The following NRG3 variants were observed in gnomAD, a reference collection of about 807,000 sequenced individuals.
The protein encoded by NRG3 is neuregulin 3.
Under a neutral mutation model 66.9 loss-of-function variants are expected in NRG3, and 31 were observed. The ratio of observed to expected loss-of-function variants is 0.46; its 90% CI spans 0.35 to 0.63. The LOEUF is 0.63. Ranked by LOEUF, NRG3 falls within the 20% of genes least tolerant of loss-of-function variation. The pLI is 0.00. For synonymous variants in NRG3, 393 were observed against 359.4 expected (o/e 1.09, Z -1.06); for missense variants, 910 against 878.9 (o/e 1.04, Z -0.45).
intron 1 of NRG3, among the ~76,000 whole-genome samples, chr10:82,038,317 G>T (rs1461278882): frequency 6.6e-6 from 1 of 152,190 alleles, no homozygotes; most frequent in African/African-American, 2.4e-5. Context: ...CATGTTAATA[G>T]TACCAACTGT....
At chr10:82,711,142 T>A (rs2056641104) in intron 2 of NRG3, among the ~76,000 whole-genome samples, 2 of 152,186 alleles carry the variant, frequency 1.3e-5, no homozygotes, top group African/African-American at 4.8e-5. Context: ...GTGGTCACCT[T>A]ATCATAGCTC....
rs1250690152 is a variant in NRG3 at position 82,350,340 on chromosome 10, C to T, written c.824-8399C>T. ...ATTCACAGAAAGCGTGCATTAAGCA[C>T]TTATTGTGTGTCAGGCTTTGTAATA... is the stretch of plus-strand genomic sequence containing the variant. On this transcript the variant is annotated intron_variant, in intron 1 of 8. Coordinates refer to ENST00000372141, the MANE Select transcript of NRG3 (RefSeq NM_001010848.4). 3.3e-5 allele frequency among the ~76,000 whole-genome samples: 5 copies of T among 152,314 alleles called. No individual in the cohort carries two copies. The South Asian group carries it at 8.3e-4, about 25-fold the overall frequency.
At chr10:82,057,186 A>G (rs925076540) in intron 1 of NRG3, among the ~76,000 whole-genome samples, 2 of 151,968 alleles carry the variant, frequency 1.3e-5, no homozygotes, top group African/African-American at 4.8e-5. Context: ...TATTTTTTCA[A>G]TGTACTAATT....
chr10:82,012,528 T>A (rs1426050431), intron 1 of NRG3, among the ~76,000 whole-genome samples: 1 of 152,234 alleles, frequency 6.6e-6, no homozygotes, highest in Non-Finnish European at 1.5e-5. Context: ...TTTTCTTTTC[T>A]ATCACATTGT....
chr10:81,977,904 T>A (rs370928883), intron 1 of NRG3, among the ~76,000 whole-genome samples: 43 of 152,314 alleles, frequency 2.8e-4, no homozygotes, highest in Non-Finnish European at 5.7e-4. Flanking sequence ...ATTTTTTATT[T>A]ATACCTAATA....
intron 1 of NRG3, among the ~76,000 whole-genome samples, chr10:82,261,283 C>T (rs911935659): frequency 6.6e-6 from 1 of 152,182 alleles, no homozygotes; most frequent in African/African-American, 2.4e-5. Context: ...CTCATTCACT[C>T]TCCTGTCTCC....
At chr10:82,269,772 A>G (rs1400750815) in intron 1 of NRG3, among the ~76,000 whole-genome samples, 1 of 152,160 alleles carries the variant, frequency 6.6e-6, no homozygotes, top group Non-Finnish European at 1.5e-5. Context: ...TTTCTGCTTC[A>G]GAAGGTCTGG....
intron 1 of NRG3, among the ~76,000 whole-genome samples, chr10:81,899,805 C>T (rs73319121): frequency 0.019 from 2,831 of 152,174 alleles, 76 homozygotes; most frequent in African/African-American, 0.062. Flanking sequence ...AGTCTGTGGG[C>T]CTCTGATAGT....
intron 3 of NRG3, among the ~76,000 whole-genome samples, chr10:82,766,845 G>A (rs377222354): frequency 1.3e-5 from 2 of 150,758 alleles, no homozygotes; most frequent in African/African-American, 2.4e-5. Context: ...TCTTCCCTAG[G>A]CCCTTCTGTC....
intron 1 of NRG3, among the ~76,000 whole-genome samples, chr10:82,225,231 G>A (rs1213138516): frequency 6.6e-6 from 1 of 152,118 alleles, no homozygotes; most frequent in African/African-American, 2.4e-5. Context: ...TCTAACTACG[G>A]TATTAACACC....
intron 2 of NRG3, among the ~76,000 whole-genome samples, chr10:82,665,796 C>A (rs1185871332): frequency 1.3e-5 from 2 of 152,176 alleles, no homozygotes; most frequent in South Asian, 4.1e-4. Flanking sequence ...TGAACCCACC[C>A]TCTCTGTGGT....
intron 3 of NRG3, among the ~76,000 whole-genome samples, chr10:82,755,889 T>C (rs1213766056): frequency 6.6e-6 from 1 of 152,130 alleles, no homozygotes; most frequent in Non-Finnish European, 1.5e-5. Flanking sequence ...GCTTTACTTG[T>C]TCCTTGTAAA....
intron 2 of NRG3, among the ~76,000 whole-genome samples, chr10:82,552,944 T>C (rs144425216): frequency 6.6e-6 from 1 of 151,980 alleles, no homozygotes; most frequent in African/African-American, 2.4e-5. Context: ...TGGAGATAGT[T>C]GACAATGTAC....
chr10:82,921,977 G>C lies in NRG3; in HGVS notation c.1055-29492G>C, dbSNP rs145076223. Among the ~76,000 whole-genome samples, 145 of 152,142 alleles carry C rather than the reference G, an allele frequency of 9.5e-4. 2 individuals are homozygous for C. The South Asian group carries it at 0.011, about 12-fold the overall frequency. On this transcript the variant is annotated intron_variant, in intron 4 of 8. Transcript: ENST00000372141. ...TTTAAATAATTTCATGGACATTAAA[G>C]TATTTTGTAAACTATATAGATTTCA...
chr10:82,099,790 C>T (rs2066609737), intron 1 of NRG3, among the ~76,000 whole-genome samples: 1 of 151,306 alleles, frequency 6.6e-6, no homozygotes, highest in Non-Finnish European at 1.5e-5. Context: ...GGCAAGACTT[C>T]CTCTCTACAA....
intron 1 of NRG3, among the ~76,000 whole-genome samples, chr10:81,901,504 C>G (rs1450867312): frequency 2.6e-5 from 4 of 151,780 alleles, no homozygotes; most frequent in Non-Finnish European, 5.9e-5. Context: ...GCCGTCTCTA[C>G]AAAAATGAAA....
At chr10:82,123,222 G>A (rs2068207498) in intron 1 of NRG3, among the ~76,000 whole-genome samples, 1 of 152,120 alleles carries the variant, frequency 6.6e-6, no homozygotes, top group Admixed American at 6.6e-5. Flanking sequence ...AGTATTTGGA[G>A]ATAATTATAA....
At chr10:82,498,205 CATTG>C (rs1399837188) in intron 2 of NRG3, among the ~76,000 whole-genome samples, 1 of 149,424 alleles carries the variant, frequency 6.7e-6, no homozygotes, top group Non-Finnish European at 1.5e-5. Context: ...CTTTTCATTT[CATTG>C]ATTGTTTGCT....
intron 1 of NRG3, among the ~76,000 whole-genome samples, chr10:82,028,197 G>A (rs561830402): frequency 1.6e-4 from 25 of 152,130 alleles, no homozygotes; most frequent in Admixed American, 1.2e-3. Flanking sequence ...TGATTATCTT[G>A]TAAACATGAA....
Sources: gnomAD v4.1 joint callset for allele counts (sites outside exome capture counted in the v4.1 genomes callset) on GRCh38, gnomAD v4.1.1 for gene constraint, MANE v1.5 for transcripts, NCBI Gene and HGNC (gene_info 2026-07-23, HGNC 2026-07-21) for gene names.